HS3ST5: variants seen among roughly 807,000 people sequenced by gnomAD.
HS3ST5 encodes heparan sulfate-glucosamine 3-sulfotransferase 5.
A neutral mutation model predicts 25.4 loss-of-function variants in HS3ST5; 10 were observed. The ratio of observed to expected loss-of-function variants is 0.39; its 90% CI spans 0.24 to 0.67. The LOEUF is 0.67. Among genes scored for constraint, HS3ST5 ranks in the 30% least tolerant of loss-of-function variants. The pLI, the probability that HS3ST5 is intolerant of heterozygous loss-of-function variation, is 0.44. For synonymous variants in HS3ST5, 170 were observed against 162.4 expected, an observed-to-expected ratio of 1.05 and a Z score of -0.36; for missense variants, 324 against 420.7, an observed-to-expected ratio of 0.77 and a Z score of 2.01.
intron 1 of HS3ST5, among the ~76,000 whole-genome samples, chr6:114,303,148 T>G (rs1286396276): frequency 6.6e-6 from 1 of 152,186 alleles, no homozygotes; most frequent in Admixed American, 6.5e-5. Context: ...CTACCTAAGC[T>G]TTCAGCTCTA....
At chr6:114,201,234 T>C (rs9400701) in intron 2 of HS3ST5, among the ~76,000 whole-genome samples, 63,856 of 152,026 alleles carry the variant, frequency 0.42, 14,521 homozygotes, top group South Asian at 0.65. Flanking sequence ...TCAATTCTTC[T>C]AGTTGTCAGG....
intron 3 of HS3ST5, among the ~76,000 whole-genome samples, chr6:114,093,789 T>C (rs939332694): frequency 2.5e-4 from 38 of 152,068 alleles, no homozygotes; most frequent in African/African-American, 8.5e-4. Flanking sequence ...AAGAGGAAAT[T>C]ATTTGGAAGA....
chr6:114,268,314 T>C (rs1773496351), intron 1 of HS3ST5, among the ~76,000 whole-genome samples: 1 of 152,144 alleles, frequency 6.6e-6, no homozygotes. Context: ...GCACTAAAGC[T>C]AAAAGGGTAG....
At chr6:114,097,878 G>A (rs1214869188) in intron 3 of HS3ST5, among the ~76,000 whole-genome samples, 1 of 151,844 alleles carries the variant, frequency 6.6e-6, no homozygotes, top group Non-Finnish European at 1.5e-5. Flanking sequence ...GGACAAAAAT[G>A]GAGTAGTGAA....
chr6:114,058,264 A>C (rs1772893028), intron 4 of HS3ST5, 74 bp from the exon 5 acceptor site: 2 of 1,164,240 alleles, frequency 1.7e-6, no homozygotes, highest in Non-Finnish European at 2.4e-6. Flanking sequence ...AGTCAGACCA[A>C]GACTTTAAAT....
At chr6:114,139,127 C>G (rs989546564) in intron 3 of HS3ST5, among the ~76,000 whole-genome samples, 5 of 152,154 alleles carry the variant, frequency 3.3e-5, no homozygotes, top group African/African-American at 1.2e-4. Context: ...TATCTTTGCC[C>G]TGTTGCCTTG....
chr6:114,216,531 T>C (rs184918163), intron 2 of HS3ST5, among the ~76,000 whole-genome samples: 3 of 152,142 alleles, frequency 2.0e-5, no homozygotes, highest in Admixed American at 2.0e-4. Flanking sequence ...GACATACATA[T>C]AGACACACAT....
chr6:114,249,794 T>A (rs1229196086), intron 1 of HS3ST5, among the ~76,000 whole-genome samples: 1 of 152,174 alleles, frequency 6.6e-6, no homozygotes, highest in Non-Finnish European at 1.5e-5. Flanking sequence ...GTCCAAAATT[T>A]TTTTTTCATT....
At chr6:114,085,854 G>C (rs1419562910) in intron 3 of HS3ST5, among the ~76,000 whole-genome samples, 1 of 150,710 alleles carries the variant, frequency 6.6e-6, no homozygotes, top group Non-Finnish European at 1.5e-5. Context: ...AATGATATAG[G>C]GTACCTATTC....
At chr6:114,139,796 G>C (rs369217955) in intron 3 of HS3ST5, among the ~76,000 whole-genome samples, 2 of 152,150 alleles carry the variant, frequency 1.3e-5, no homozygotes, top group African/African-American at 4.8e-5. Context: ...CTGGGTTCTG[G>C]TCATACTGGC....
intron 2 of HS3ST5, among the ~76,000 whole-genome samples, chr6:114,193,191 C>G (rs1220038307): frequency 6.6e-6 from 1 of 152,180 alleles, no homozygotes; most frequent in Non-Finnish European, 1.5e-5. Context: ...TGAAAGCTAC[C>G]TGCTTCATAA....
intron 1 of HS3ST5, among the ~76,000 whole-genome samples, chr6:114,333,963 C>G (rs1471751130): frequency 2.6e-5 from 4 of 152,160 alleles, no homozygotes; most frequent in African/African-American, 4.8e-5. Context: ...GCAAGCCCAT[C>G]AGTCCCACAT....
At chr6:114,252,142 G>T (rs960920258) in intron 1 of HS3ST5, among the ~76,000 whole-genome samples, 2 of 133,336 alleles carry the variant, frequency 1.5e-5, no homozygotes, top group African/African-American at 6.0e-5. Flanking sequence ...CCAGAAAGTT[G>T]TTCAGGCTCA....
chr6:114,314,004 C>A (rs1775648434), intron 1 of HS3ST5, among the ~76,000 whole-genome samples: 1 of 152,196 alleles, frequency 6.6e-6, no homozygotes, highest in Admixed American at 6.5e-5. Context: ...CAGCTCACTG[C>A]AGCCTCTGCC....
intron 1 of HS3ST5, among the ~76,000 whole-genome samples, chr6:114,308,356 C>A (rs928508697): frequency 6.6e-6 from 1 of 151,984 alleles, no homozygotes; most frequent in African/African-American, 2.4e-5. Flanking sequence ...GAGGCCGAGG[C>A]GGGCAGATCA....
chr6:114,156,462 GTATT>G (rs1403452464), intron 3 of HS3ST5, among the ~76,000 whole-genome samples: 11 of 152,262 alleles, frequency 7.2e-5, no homozygotes, highest in Admixed American at 5.9e-4. Context: ...TTAAAAATAT[GTATT>G]TAACAGACAA....
At chr6:114,166,110 C>A (rs1331072914) in intron 3 of HS3ST5, among the ~76,000 whole-genome samples, 2 of 152,146 alleles carry the variant, frequency 1.3e-5, no homozygotes, top group Non-Finnish European at 2.9e-5. Context: ...CTAATCCCTA[C>A]TCTTGGTCAT....
chr6:114,176,414 C>T (rs1779724883), intron 2 of HS3ST5, among the ~76,000 whole-genome samples: 2 of 152,008 alleles, frequency 1.3e-5, no homozygotes, highest in Non-Finnish European at 1.5e-5. Context: ...CAAATGCTGT[C>T]GAAAATAAAA....
intron 4 of HS3ST5, chr6:114,059,791 C>T (rs947294394): frequency 6.6e-6 from 1 of 152,232 alleles, no homozygotes; most frequent in African/African-American, 2.4e-5. Context: ...ATAAATTACT[C>T]AGTCTCAGGT....
Sources: allele counts gnomAD v4.1 joint callset (sites outside exome capture counted in the v4.1 genomes callset), GRCh38; gene constraint gnomAD v4.1.1; transcripts MANE v1.5; gene names NCBI Gene and HGNC (gene_info 2026-07-23, HGNC 2026-07-21).